The following PTK2 variants were observed in gnomAD, a reference collection of about 807,000 sequenced individuals.
The protein encoded by PTK2 is focal adhesion kinase 1.
Under a neutral mutation model 150.1 loss-of-function variants are expected in PTK2, and 45 were observed. That is an observed-to-expected ratio of 0.30 (90% CI 0.24 to 0.38). PTK2 has a LOEUF of 0.38. Among genes scored for constraint, PTK2 ranks in the 10% least tolerant of loss-of-function variants. PTK2 has a pLI of 1.00. For synonymous variants in PTK2, 432 were observed against 449.2 expected (o/e 0.96, Z 0.48); for missense variants, 919 against 1,307.3 (o/e 0.70, Z 4.58).
intron 2 of PTK2, among the ~76,000 whole-genome samples, chr8:140,907,709 T>C (rs972053593): frequency 3.9e-5 from 6 of 152,186 alleles, no homozygotes; most frequent in Non-Finnish European, 8.8e-5. Context: ...TTTTTCATTA[T>C]TATTATTTCT....
chr8:140,758,837 T>TAGTCCTGCA (rs1415984169), intron 16 of PTK2, among the ~76,000 whole-genome samples: 1 of 152,226 alleles, frequency 6.6e-6, no homozygotes, highest in Non-Finnish European at 1.5e-5. Context: ...GAGTAACTCC[T>TAGTCCTGCA]AGTCCTGCAA....
chr8:140,768,679 T>C (rs746752798), intron 14 of PTK2, among the ~76,000 whole-genome samples: 3 of 152,188 alleles, frequency 2.0e-5, no homozygotes, highest in Admixed American at 1.3e-4. Flanking sequence ...CTGTGAGAAT[T>C]AGGAATCAAG....
intron 1 of PTK2, among the ~76,000 whole-genome samples, chr8:140,938,856 AT>A (rs1274901950): frequency 2.6e-5 from 4 of 152,012 alleles, no homozygotes; most frequent in Non-Finnish European, 4.4e-5. Context: ...TAATCAAAAT[AT>A]TTTACCTAGG....
At chr8:140,706,986 T>C (rs1280224963) in intron 23 of PTK2, among the ~76,000 whole-genome samples, 1 of 152,194 alleles carries the variant, frequency 6.6e-6, no homozygotes, top group Non-Finnish European at 1.5e-5. Flanking sequence ...ATAAACAAAA[T>C]GCTGTATACC....
At chr8:140,895,987 G>C (rs1389870606) in intron 2 of PTK2, among the ~76,000 whole-genome samples, 2 of 151,944 alleles carry the variant, frequency 1.3e-5, no homozygotes, top group Non-Finnish European at 2.9e-5. Context: ...GATAAAATGA[G>C]TCAAGAAAAA....
chr8:140,746,306 G>A (rs2100058728), intron 18 of PTK2: 1 of 153,618 alleles, frequency 6.5e-6, no homozygotes. Context: ...ACTCCAGCCT[G>A]GGCAACAGAG....
At chr8:140,907,372 A>C (rs1411814903) in intron 2 of PTK2, among the ~76,000 whole-genome samples, 1 of 152,174 alleles carries the variant, frequency 6.6e-6, no homozygotes, top group African/African-American at 2.4e-5. Flanking sequence ...CAACATCTGC[A>C]ATGCTCCAAC....
intron 11 of PTK2, among the ~76,000 whole-genome samples, chr8:140,802,918 C>A (rs547833041): frequency 6.7e-6 from 1 of 150,112 alleles, no homozygotes; most frequent in South Asian, 2.1e-4. Context: ...GGGAATTAGG[C>A]ATTTCTCTGA....
chr8:140,717,606 G>A (rs1405534204), exon 23 of PTK2: 1 of 1,612,954 alleles, frequency 6.2e-7, no homozygotes, highest in Non-Finnish European at 8.5e-7. Flanking sequence ...ACCTTGGGCG[G>A]TGCTTCATCA....
At chr8:140,823,514 A>G (rs1179826518) in intron 8 of PTK2, among the ~76,000 whole-genome samples, 1 of 152,096 alleles carries the variant, frequency 6.6e-6, no homozygotes, top group African/African-American at 2.4e-5. Context: ...CCTACCTGAC[A>G]GTTCCACTGC....
intron 17 of PTK2, among the ~76,000 whole-genome samples, chr8:140,747,899 TG>T (rs2100060372): frequency 6.6e-6 from 1 of 152,100 alleles, no homozygotes; most frequent in Non-Finnish European, 1.5e-5. Context: ...TCTAGAAATC[TG>T]GTAAGTAGGA....
intron 2 of PTK2, among the ~76,000 whole-genome samples, chr8:140,898,410 G>A (rs966739930): frequency 4.6e-5 from 7 of 152,186 alleles, no homozygotes; most frequent in African/African-American, 1.4e-4. Context: ...AGCAAATGTG[G>A]ACTGGAATGG....
At chr8:140,850,708 C>A (rs1005121677) in intron 5 of PTK2, among the ~76,000 whole-genome samples, 1 of 151,658 alleles carries the variant, frequency 6.6e-6, no homozygotes, top group East Asian at 1.9e-4. Context: ...CCAGCCTGGG[C>A]GACAGAGCGA....
chr8:140,678,873 C>T (rs4413752), intron 27 of PTK2, among the ~76,000 whole-genome samples: 73,629 of 151,416 alleles, frequency 0.49, 17,988 homozygotes, highest in African/African-American at 0.52. Flanking sequence ...ACAATGTCTA[C>T]TGGCTGTGCT....
At chr8:140,738,105 T>C (rs750207042) in intron 21 of PTK2, among the ~76,000 whole-genome samples, 6 of 152,170 alleles carry the variant, frequency 3.9e-5, no homozygotes, top group Non-Finnish European at 8.8e-5. Flanking sequence ...TCCTCCAAAG[T>C]AGTTTCTAAT....
At chr8:140,902,306 A>AT (rs1225460117) in intron 2 of PTK2, among the ~76,000 whole-genome samples, 2 of 152,294 alleles carry the variant, frequency 1.3e-5, no homozygotes, top group East Asian at 1.9e-4. Flanking sequence ...AAGTACTGGG[A>AT]TTACAGGCGT....
chr8:140,923,009 G>A (rs2100168121), intron 2 of PTK2, among the ~76,000 whole-genome samples: 1 of 152,198 alleles, frequency 6.6e-6, no homozygotes, highest in Admixed American at 6.5e-5. Flanking sequence ...CAAGAAAAGT[G>A]ATGGAGAGAA....
chr8:141,000,396 C>T (rs1356468396), intron 1 of PTK2, among the ~76,000 whole-genome samples: 1 of 152,202 alleles, frequency 6.6e-6, no homozygotes. Context: ...GCTCGGAGCC[C>T]ACCCTTGGCT....
chr8:140,788,951 A>C (rs1397646524), intron 14 of PTK2, among the ~76,000 whole-genome samples: 2 of 152,172 alleles, frequency 1.3e-5, no homozygotes, highest in Non-Finnish European at 2.9e-5. Flanking sequence ...GAAAAAAGGC[A>C]TATCTATTTT....
Sources: gnomAD v4.1 joint callset for allele counts (sites outside exome capture counted in the v4.1 genomes callset) on GRCh38, gnomAD v4.1.1 for gene constraint, MANE v1.5 for transcripts, NCBI Gene and HGNC (gene_info 2026-07-23, HGNC 2026-07-21) for gene names.